SOX6: variants seen among roughly 807,000 people sequenced by gnomAD.
The protein encoded by SOX6 is SRY-box transcription factor 6.
Under a neutral mutation model 97.8 loss-of-function variants are expected in SOX6, and 11 were observed. The ratio of observed to expected loss-of-function variants is 0.11; its 90% CI spans 0.07 to 0.19. The LOEUF (loss-of-function observed/expected upper bound fraction) is 0.19. SOX6 is among the 10% of genes least tolerant of loss of function. The pLI, the probability that SOX6 is intolerant of heterozygous loss-of-function variation, is 1.00. For synonymous variants in SOX6, 360 were observed against 371.4 expected, an observed-to-expected ratio of 0.97 and a Z score of 0.35; for missense variants, 810 against 1,039.5, an observed-to-expected ratio of 0.78 and a Z score of 3.04.
intron 3 of SOX6, among the ~76,000 whole-genome samples, chr11:16,630,869 C>T (rs1370340275): frequency 6.6e-6 from 1 of 152,058 alleles, no homozygotes; most frequent in Non-Finnish European, 1.5e-5. Flanking sequence ...CTATGGTTGG[C>T]TTGAAGTCTG....
At chr11:16,232,598 A>AG (rs1442947253) in intron 4 of SOX6, among the ~76,000 whole-genome samples, 4 of 152,084 alleles carry the variant, frequency 2.6e-5, no homozygotes, top group African/African-American at 9.7e-5. Flanking sequence ...GAAAGACGGA[A>AG]AGGGGGGGAG....
At chr11:16,473,232 T>G (rs1298514118) in intron 1 of SOX6, among the ~76,000 whole-genome samples, 8 of 152,184 alleles carry the variant, frequency 5.3e-5, no homozygotes, top group Non-Finnish European at 1.2e-4. Flanking sequence ...TTGAAGATAT[T>G]GCAGGTTTGG....
chr11:16,282,360 T>C (rs978923136), intron 3 of SOX6, among the ~76,000 whole-genome samples: 86 of 151,706 alleles, frequency 5.7e-4, no homozygotes, highest in African/African-American at 2.0e-3. Context: ...TATTTTACTT[T>C]TCATCAAGAA....
chr11:16,162,456 G>A (rs1850774715), intron 6 of SOX6, among the ~76,000 whole-genome samples: 1 of 152,124 alleles, frequency 6.6e-6, no homozygotes, highest in African/African-American at 2.4e-5. Flanking sequence ...TTGGATCATG[G>A]GTGTGGATCC....
chr11:16,032,479 G>A (rs1039832900), intron 12 of SOX6, among the ~76,000 whole-genome samples: 1 of 152,022 alleles, frequency 6.6e-6, no homozygotes, highest in African/African-American at 2.4e-5. Flanking sequence ...ATCACCCTGA[G>A]GTTTCTCCCA....
intron 1 of SOX6, among the ~76,000 whole-genome samples, chr11:16,453,097 C>G (rs1240972169): frequency 6.6e-6 from 1 of 152,140 alleles, no homozygotes; most frequent in Non-Finnish European, 1.5e-5. Flanking sequence ...TTCCCATACT[C>G]CTGATATCAA....
intron 1 of SOX6, among the ~76,000 whole-genome samples, chr11:16,433,324 A>G (rs1271234013): frequency 6.6e-6 from 1 of 152,084 alleles, no homozygotes; most frequent in Non-Finnish European, 1.5e-5. Flanking sequence ...GTGAACACTG[A>G]CTTTATCAAT....
At chr11:16,153,743 A>G (rs1850522454) in intron 6 of SOX6, among the ~76,000 whole-genome samples, 1 of 152,142 alleles carries the variant, frequency 6.6e-6, no homozygotes. Flanking sequence ...ACAGAAGTGA[A>G]TAGACTAGTG....
chr11:16,350,472 AT>A (rs1856912565), intron 1 of SOX6, among the ~76,000 whole-genome samples: 1 of 152,134 alleles, frequency 6.6e-6, no homozygotes, highest in South Asian at 2.1e-4. Flanking sequence ...ATATAATACA[AT>A]TTTTTCCAAG....
chr11:16,088,481 C>T (rs758041630), intron 9 of SOX6, among the ~76,000 whole-genome samples: 12 of 152,146 alleles, frequency 7.9e-5, no homozygotes, highest in Non-Finnish European at 1.5e-4. Context: ...ATCCTAAATC[C>T]CTGGCACCCA....
At chr11:16,258,100 A>C (rs1189994547) in intron 3 of SOX6, among the ~76,000 whole-genome samples, 1 of 152,016 alleles carries the variant, frequency 6.6e-6, no homozygotes, top group East Asian at 1.9e-4. Context: ...AGGAACGCTC[A>C]TTCATTGTTC....
chr11:16,501,860 G>C (rs1260536204), intron 4 of SOX6, among the ~76,000 whole-genome samples: 4 of 152,188 alleles, frequency 2.6e-5, no homozygotes, highest in East Asian at 3.9e-4. Context: ...TTACACTGTT[G>C]GTGGGACTGT....
At chr11:16,160,941 A>G (rs1286807198) in intron 6 of SOX6, among the ~76,000 whole-genome samples, 2 of 152,234 alleles carry the variant, frequency 1.3e-5, no homozygotes, top group Non-Finnish European at 2.9e-5. Context: ...GATACTAGTT[A>G]AATAACATGC....
chr11:16,282,924 A>G (rs1854607460), intron 3 of SOX6, among the ~76,000 whole-genome samples: 1 of 149,864 alleles, frequency 6.7e-6, no homozygotes, highest in Non-Finnish European at 1.5e-5. Context: ...TATTTTGGCA[A>G]GATATCAAAT....
intron 3 of SOX6, chr11:16,283,994 T>A: frequency 2.9e-6 from 1 of 343,528 alleles, no homozygotes; most frequent in Non-Finnish European, 5.6e-6. Context: ...AAATAATGTG[T>A]TTACACTATT....
intron 3 of SOX6, among the ~76,000 whole-genome samples, chr11:16,277,661 G>A (rs1854439118): frequency 6.6e-6 from 1 of 152,284 alleles, no homozygotes; most frequent in Admixed American, 6.5e-5. Flanking sequence ...TCAGCCTATA[G>A]CTGCTCCAAA....
intron 13 of SOX6, among the ~76,000 whole-genome samples, chr11:16,005,299 T>C (rs574558663): frequency 1.3e-5 from 2 of 151,978 alleles, no homozygotes; most frequent in Admixed American, 6.6e-5. Context: ...GAAAATATAA[T>C]GACTAGGCAT....
intron 6 of SOX6, among the ~76,000 whole-genome samples, chr11:16,180,047 T>C (rs1851307185): frequency 6.6e-6 from 1 of 151,866 alleles, no homozygotes; most frequent in East Asian, 1.9e-4. Flanking sequence ...GAATGTGGTA[T>C]ATTGGATCCA....
chr11:16,072,509 C>T (rs929398458), intron 9 of SOX6, among the ~76,000 whole-genome samples: 1 of 152,168 alleles, frequency 6.6e-6, no homozygotes, highest in Non-Finnish European at 1.5e-5. Context: ...AGGCAAGCAA[C>T]TTGGAAAACA....
Sources: gnomAD v4.1 joint callset for allele counts (sites outside exome capture counted in the v4.1 genomes callset) on GRCh38, gnomAD v4.1.1 for gene constraint, MANE v1.5 for transcripts, NCBI Gene and HGNC (gene_info 2026-07-23, HGNC 2026-07-21) for gene names.